BRD10: variants seen among roughly 807,000 people sequenced by gnomAD.
BRD10 encodes the protein bromodomain containing 10, also known as uncharacterized bromodomain-containing protein 10.
At chr9:5,907,710 C>T in the BRD10 span, among the ~76,000 whole-genome samples, 20 of 152,144 alleles carry the variant, frequency 1.3e-4, no homozygotes, top group African/African-American at 4.1e-4. Flanking sequence ...CCCAGCACTT[C>T]GGGAGGCCGA....
chr9:5,966,189 CTG>C, the BRD10 span, among the ~76,000 whole-genome samples: 1 of 152,124 alleles, frequency 6.6e-6, no homozygotes, highest in African/African-American at 2.4e-5. Context: ...AGAGTACTTG[CTG>C]AATACAATTT....
the BRD10 span, among the ~76,000 whole-genome samples, chr9:5,992,513 T>C: frequency 1.2e-4 from 12 of 99,740 alleles, no homozygotes; most frequent in Non-Finnish European, 2.1e-4. Context: ...ATAAATACAC[T>C]AAAATAGCTC....
the BRD10 span, among the ~76,000 whole-genome samples, chr9:5,960,232 G>A: frequency 6.6e-6 from 1 of 152,114 alleles, no homozygotes; most frequent in Non-Finnish European, 1.5e-5. Context: ...ATTTTAGTCA[G>A]TTTAGAGGTG....
At chr9:5,979,285 G>A in the BRD10 span, among the ~76,000 whole-genome samples, 4 of 152,210 alleles carry the variant, frequency 2.6e-5, no homozygotes, top group Non-Finnish European at 5.9e-5. Flanking sequence ...AGGCCAAGGT[G>A]GGAGGATGGC....
chr9:5,964,553 T>C, the BRD10 span, among the ~76,000 whole-genome samples: 11 of 132,018 alleles, frequency 8.3e-5, no homozygotes, highest in Admixed American at 4.6e-4. Context: ...ATCCCATTAC[T>C]GGGTATATAC....
the BRD10 span, among the ~76,000 whole-genome samples, chr9:5,888,833 G>A: frequency 1.3e-5 from 2 of 152,218 alleles, no homozygotes; most frequent in East Asian, 1.9e-4. Context: ...TGAGCTGAGT[G>A]AAAATTTAAA....
the BRD10 span, chr9:5,892,542 C>A: frequency 6.2e-7 from 1 of 1,612,762 alleles, no homozygotes; most frequent in African/African-American, 1.3e-5. Context: ...TCTTACACCA[C>A]GGCTGAAGAG....
At chr9:5,920,999 G>A in the BRD10 span, 1 of 1,613,808 alleles carries the variant, frequency 6.2e-7, no homozygotes, top group Admixed American at 1.7e-5. Context: ...TGAGGTCACT[G>A]GAAAGGAACC....
chr9:5,920,415 T>C, the BRD10 span: 2 of 1,613,988 alleles, frequency 1.2e-6, no homozygotes, highest in Non-Finnish European at 1.7e-6. Context: ...CCGACTAGAC[T>C]AGTTACATTG....
chr9:5,959,609 C>T, the BRD10 span, among the ~76,000 whole-genome samples: 1 of 152,126 alleles, frequency 6.6e-6, no homozygotes, highest in African/African-American at 2.4e-5. Flanking sequence ...ATTTTGAAAT[C>T]TTCAGCTGGT....
chr9:5,954,471 C>T, the BRD10 span, among the ~76,000 whole-genome samples: 6 of 152,172 alleles, frequency 3.9e-5, no homozygotes, highest in Non-Finnish European at 7.4e-5. Flanking sequence ...ACATTGACTT[C>T]GCAGTCAGGA....
chr9:5,964,923 G>T, the BRD10 span, among the ~76,000 whole-genome samples: 1 of 124,416 alleles, frequency 8.0e-6, no homozygotes, highest in Non-Finnish European at 1.7e-5. Context: ...GGGGGAGGGG[G>T]GAGGGAGAGC....
the BRD10 span, among the ~76,000 whole-genome samples, chr9:5,937,274 A>C: frequency 6.7e-6 from 1 of 148,912 alleles, no homozygotes; most frequent in African/African-American, 2.5e-5. Context: ...AAGACACACT[A>C]GCCTGTAATC....
chr9:5,965,503 T>A, the BRD10 span, among the ~76,000 whole-genome samples: 1 of 152,236 alleles, frequency 6.6e-6, no homozygotes, highest in East Asian at 1.9e-4. Context: ...TTTTCTAGTC[T>A]TTGTTTTATT....
the BRD10 span, among the ~76,000 whole-genome samples, chr9:5,987,598 C>G: frequency 6.6e-6 from 1 of 152,068 alleles, no homozygotes; most frequent in South Asian, 2.1e-4. Context: ...AGTTTCAATC[C>G]TACAAATTTC....
the BRD10 span, among the ~76,000 whole-genome samples, chr9:5,998,565 G>A: frequency 1.3e-5 from 2 of 151,942 alleles, no homozygotes; most frequent in East Asian, 1.9e-4. Flanking sequence ...TTGTTCATAA[G>A]CAACCAAGCA....
At chr9:6,008,149 C>A in the BRD10 span, 6 of 981,488 alleles carry the variant, frequency 6.1e-6, no homozygotes, top group East Asian at 1.2e-4. Context: ...CGGCGCCCCA[C>A]CCCCTCCCGG....
At chr9:5,956,944 G>A in the BRD10 span, among the ~76,000 whole-genome samples, 1 of 152,032 alleles carries the variant, frequency 6.6e-6, no homozygotes, top group Admixed American at 6.5e-5. Context: ...ACTTTTTTCA[G>A]AAATGTCACC....
At chr9:5,902,668 C>CT in the BRD10 span, among the ~76,000 whole-genome samples, 10,406 of 141,000 alleles carry the variant, frequency 0.074, 439 homozygotes, top group South Asian at 0.17. Context: ...GATTAATTTT[C>CT]TTTTTTTTTT....
Sources: gnomAD v4.1 joint callset for allele counts (sites outside exome capture counted in the v4.1 genomes callset) on GRCh38, gnomAD v4.1.1 for gene constraint, MANE v1.5 for transcripts, NCBI Gene and HGNC (gene_info 2026-07-23, HGNC 2026-07-21) for gene names.